AASS: variants seen among roughly 807,000 people sequenced by gnomAD.
AASS encodes alpha-aminoadipic semialdehyde synthase, mitochondrial.
Under a neutral mutation model 105.4 loss-of-function variants are expected in AASS, and 86 were observed. The observed-to-expected ratio is 0.82, with a 90% CI of 0.69 to 0.98. The LOEUF (loss-of-function observed/expected upper bound fraction) is 0.98. Among genes scored for constraint, AASS ranks in the 50% least tolerant of loss-of-function variants. The pLI is 0.00. For synonymous variants in AASS, 381 were observed against 394.8 expected, an observed-to-expected ratio of 0.96 and a Z score of 0.41; for missense variants, 1,048 against 1,143.2, an observed-to-expected ratio of 0.92 and a Z score of 1.20.
At chr7:122,119,389 C>T (rs1795335350) in intron 4 of AASS, among the ~76,000 whole-genome samples, 1 of 152,116 alleles carries the variant, frequency 6.6e-6, no homozygotes, top group Non-Finnish European at 1.5e-5. Flanking sequence ...CTCTTGAAAA[C>T]AGATCTTTCT....
chr7:122,143,254 C>A lies in AASS; in HGVS notation c.-16+907G>T, dbSNP rs1796483929. Among the ~76,000 whole-genome samples, 6 of 152,088 alleles carry A rather than the reference C, an allele frequency of 3.9e-5. 1 individual carries two copies. The highest frequency in any genetic ancestry group is 4.2e-4 in the South Asian group (2 of 4,806). The stretch of plus-strand genomic sequence containing the variant: ...ACAGCTGCACCTTCCCCACTGATAA[C>A]CCACAACATCAAAAAATGTTAATCC... On this transcript the variant is annotated intron_variant, in intron 1 of 23. Coordinates refer to ENST00000417368, the MANE Select transcript of AASS (RefSeq NM_005763.4).
intron 18 of AASS, among the ~76,000 whole-genome samples, chr7:122,087,417 A>G (rs1793681928): frequency 6.6e-6 from 1 of 152,226 alleles, no homozygotes. Context: ...GAAAATCTGA[A>G]TGAAGGATGT....
At chr7:122,121,308 A>G (rs765128301) in intron 4 of AASS, among the ~76,000 whole-genome samples, 19 of 152,170 alleles carry the variant, frequency 1.2e-4, no homozygotes, top group Non-Finnish European at 2.5e-4. Context: ...CCTGTCCATC[A>G]TTATTGGTGA....
chr7:122,112,524 A>T (rs1562975092), intron 11 of AASS, among the ~76,000 whole-genome samples: 1 of 152,204 alleles, frequency 6.6e-6, no homozygotes, highest in Non-Finnish European at 1.5e-5. Flanking sequence ...TTATATTGGA[A>T]TCATTGGCAG....
At chr7:122,111,248 G>A (rs1794918161) in intron 11 of AASS, among the ~76,000 whole-genome samples, 1 of 151,978 alleles carries the variant, frequency 6.6e-6, no homozygotes, top group Non-Finnish European at 1.5e-5. Flanking sequence ...ACTCTCTGCA[G>A]AAAAAGAGAA....
At chr7:122,085,969 A>T in intron 19 of AASS, 43 bp downstream of exon 19, 1 of 1,610,598 alleles carries the variant, frequency 6.2e-7, no homozygotes, top group Non-Finnish European at 8.5e-7. Context: ...CATCACTTAC[A>T]TCACAACTGG....
chr7:122,113,949 G>GAAAGA (rs1237961684), intron 9 of AASS, among the ~76,000 whole-genome samples: 14 of 143,508 alleles, frequency 9.8e-5, no homozygotes, highest in Non-Finnish European at 2.0e-4. Context: ...AAGAAAGAAA[G>GAAAGA]AAAGAAAAGA....
At chr7:122,122,707 A>AC (rs1795493839) in intron 4 of AASS, among the ~76,000 whole-genome samples, 2 of 152,086 alleles carry the variant, frequency 1.3e-5, no homozygotes, top group East Asian at 3.9e-4. Flanking sequence ...GTATCTATCA[A>AC]TCAATAGACA....
chr7:122,085,419 T>C (rs1793574281), intron 19 of AASS, among the ~76,000 whole-genome samples: 1 of 152,142 alleles, frequency 6.6e-6, no homozygotes, highest in South Asian at 2.1e-4. Context: ...CCCCATTTTG[T>C]GGTTTAAAAA....
At chr7:122,135,068 G>A (rs928134793) in intron 1 of AASS, among the ~76,000 whole-genome samples, 4 of 151,988 alleles carry the variant, frequency 2.6e-5, no homozygotes, top group Non-Finnish European at 4.4e-5. Context: ...GGTGGGAATT[G>A]AACAATGGGA....
intron 4 of AASS, among the ~76,000 whole-genome samples, chr7:122,125,033 A>G (rs1294298071): frequency 1.3e-5 from 2 of 151,970 alleles, no homozygotes; most frequent in Non-Finnish European, 2.9e-5. Context: ...AGCAATTCTC[A>G]TGCCTCAACC....
At chr7:122,134,556 G>A (rs575627403) in intron 1 of AASS, among the ~76,000 whole-genome samples, 108 of 151,910 alleles carry the variant, frequency 7.1e-4, no homozygotes, top group African/African-American at 2.4e-3. Context: ...CAAATTACTG[G>A]GATTACAGGG....
At chr7:122,089,466 T>C (rs1793792020) in intron 18 of AASS, among the ~76,000 whole-genome samples, 1 of 152,170 alleles carries the variant, frequency 6.6e-6, no homozygotes, top group Non-Finnish European at 1.5e-5. Flanking sequence ...AAAGCACTCA[T>C]TTTTACAAAA....
At chr7:122,108,083 T>C (rs1794753921) in intron 11 of AASS, among the ~76,000 whole-genome samples, 1 of 151,506 alleles carries the variant, frequency 6.6e-6, no homozygotes, top group Admixed American at 6.6e-5. Flanking sequence ...AATGAACAAA[T>C]TCCTGGACAC....
intron 19 of AASS, among the ~76,000 whole-genome samples, chr7:122,082,197 A>G (rs1490750579): frequency 6.6e-6 from 1 of 152,128 alleles, no homozygotes; most frequent in Non-Finnish European, 1.5e-5. Context: ...AATTCCTCAT[A>G]TGTCCTTCAT....
At chr7:122,085,895 A>C in intron 19 of AASS, 117 bp downstream of exon 19, 1 of 1,139,208 alleles carries the variant, frequency 8.8e-7, no homozygotes, top group South Asian at 1.3e-5. Flanking sequence ...ATTCCTGAAA[A>C]AATAGACTCC....
intron 1 of AASS, among the ~76,000 whole-genome samples, chr7:122,137,901 C>T (rs1018252617): frequency 2.6e-5 from 4 of 151,978 alleles, no homozygotes; most frequent in Non-Finnish European, 2.9e-5. Context: ...CCGACAATGT[C>T]GGGTGCTGAT....
chr7:122,131,088 G>A (rs1795896140), intron 2 of AASS, among the ~76,000 whole-genome samples: 1 of 150,894 alleles, frequency 6.6e-6, no homozygotes, highest in African/African-American at 2.4e-5. Context: ...TAACCTCTTT[G>A]GGGTGGGTGA....
intron 17 of AASS, 40 bp downstream of exon 17, chr7:122,092,803 A>T: frequency 6.9e-7 from 1 of 1,457,148 alleles, no homozygotes; most frequent in Non-Finnish European, 9.6e-7. Flanking sequence ...ACAAGAATTT[A>T]GACATTTTAA....
Sources: allele counts gnomAD v4.1 joint callset (sites outside exome capture counted in the v4.1 genomes callset), GRCh38; gene constraint gnomAD v4.1.1; transcripts MANE v1.5; gene names NCBI Gene and HGNC (gene_info 2026-07-23, HGNC 2026-07-21).